The following FERRY3 variants were observed in gnomAD, a reference collection of about 807,000 sequenced individuals.
FERRY3 encodes FERRY endosomal RAB5 effector complex subunit 3, also known as protein C12orf4.
At chr12:4,496,602 T>C in the FERRY3 span, among the ~76,000 whole-genome samples, 1 of 152,102 alleles carries the variant, frequency 6.6e-6, no homozygotes, top group South Asian at 2.1e-4. Flanking sequence ...ATTCTAAACC[T>C]ATGAAAATGA....
chr12:4,526,486 A>C, the FERRY3 span, among the ~76,000 whole-genome samples: 2 of 152,256 alleles, frequency 1.3e-5, no homozygotes, highest in Admixed American at 1.3e-4. Context: ...GGAAAGAACA[A>C]AACACAGATA....
chr12:4,488,817 C>T, the FERRY3 span: 2 of 152,132 alleles, frequency 1.3e-5, no homozygotes, highest in African/African-American at 2.4e-5. The surrounding 1 kb of genome is among the most constrained non-coding windows in gnomAD (Gnocchi z 4.9). Context: ...TTTGTAAATG[C>T]CTTTGTTTAA....
chr12:4,493,211 C>T, the FERRY3 span, among the ~76,000 whole-genome samples: 3 of 152,252 alleles, frequency 2.0e-5, no homozygotes, highest in South Asian at 4.1e-4. Flanking sequence ...TTTATCCTGT[C>T]GTTTTTGGGG....
the FERRY3 span, among the ~76,000 whole-genome samples, chr12:4,502,766 T>G: frequency 6.6e-6 from 1 of 152,376 alleles, no homozygotes; most frequent in Admixed American, 6.5e-5. The surrounding 1 kb of genome is among the most constrained non-coding windows in gnomAD (Gnocchi z 4.2). Context: ...CACAGATGCC[T>G]CTGACAGGTC....
At chr12:4,536,153 TTCTC>T in the FERRY3 span, 19 of 1,603,158 alleles carry the variant, frequency 1.2e-5, no homozygotes, top group South Asian at 1.1e-5. Context: ...TATATACAAA[TTCTC>T]TCTCTCTATT....
the FERRY3 span, chr12:4,502,404 T>C: frequency 6.6e-6 from 3 of 453,888 alleles, no homozygotes; most frequent in South Asian, 4.7e-5. The surrounding 1 kb of genome is among the most constrained non-coding windows in gnomAD (Gnocchi z 4.2). Context: ...TTAAAATCCA[T>C]GCTTCCTACC....
chr12:4,488,680 GT>G, the FERRY3 span: 1 of 152,110 alleles, frequency 6.6e-6, no homozygotes, highest in Non-Finnish European at 1.5e-5. This position sits in a 1 kb window ranked among gnomAD's most constrained non-coding sequence, Gnocchi z 4.9. Flanking sequence ...AGGGCGTTTT[GT>G]TTCTTGTCAT....
chr12:4,517,417 C>G, the FERRY3 span, among the ~76,000 whole-genome samples: 1 of 151,824 alleles, frequency 6.6e-6, no homozygotes, highest in Admixed American at 6.6e-5. Flanking sequence ...ATTGACATTT[C>G]TTTGTTAATG....
the FERRY3 span, among the ~76,000 whole-genome samples, chr12:4,520,026 CCAA>C: frequency 1.3e-5 from 2 of 152,194 alleles, no homozygotes; most frequent in Non-Finnish European, 1.5e-5. Context: ...ACATATACCT[CCAA>C]GGACAGACAG....
chr12:4,528,281 A>G, the FERRY3 span, among the ~76,000 whole-genome samples: 1 of 152,168 alleles, frequency 6.6e-6, no homozygotes, highest in Admixed American at 6.5e-5. Context: ...AAACAAATGA[A>G]GTTCAACAGA....
chr12:4,521,201 A>C, the FERRY3 span, among the ~76,000 whole-genome samples: 2 of 152,156 alleles, frequency 1.3e-5, no homozygotes, highest in Non-Finnish European at 2.9e-5. Flanking sequence ...TCTACTAAAA[A>C]TACAAAAATT....
the FERRY3 span, chr12:4,518,216 C>T: frequency 3.1e-6 from 5 of 1,614,108 alleles, no homozygotes; most frequent in Non-Finnish European, 3.4e-6. Flanking sequence ...CATATCTGCT[C>T]TCAGCAATCT....
At chr12:4,522,103 A>C in the FERRY3 span, among the ~76,000 whole-genome samples, 2 of 152,202 alleles carry the variant, frequency 1.3e-5, no homozygotes, top group Admixed American at 1.3e-4. Flanking sequence ...GATCATAACA[A>C]AGGTACCATC....
chr12:4,491,635 TAAAC>T, the FERRY3 span, among the ~76,000 whole-genome samples: 1 of 152,126 alleles, frequency 6.6e-6, no homozygotes, highest in East Asian at 1.9e-4. Context: ...TGAGTGGAAA[TAAAC>T]AAATGCCCCA....
chr12:4,529,868 CCT>C, the FERRY3 span: 26 of 1,570,630 alleles, frequency 1.7e-5, no homozygotes, highest in Admixed American at 3.9e-5. Context: ...ATTTGAAATA[CCT>C]CTCTCGTAAT....
At chr12:4,491,769 G>A in the FERRY3 span, among the ~76,000 whole-genome samples, 1 of 152,176 alleles carries the variant, frequency 6.6e-6, no homozygotes, top group Admixed American at 6.5e-5. Flanking sequence ...ATCTTCCACA[G>A]TATGATTAGC....
chr12:4,523,899 G>A, the FERRY3 span, among the ~76,000 whole-genome samples: 1 of 152,014 alleles, frequency 6.6e-6, no homozygotes, highest in African/African-American at 2.4e-5. Context: ...CATGGTGCAT[G>A]TATACATATG....
chr12:4,532,313 C>T, the FERRY3 span, among the ~76,000 whole-genome samples: 1 of 152,110 alleles, frequency 6.6e-6, no homozygotes, highest in African/African-American at 2.4e-5. Context: ...CTGCACACAG[C>T]ACTGTACAGC....
the FERRY3 span, among the ~76,000 whole-genome samples, chr12:4,499,389 A>G: frequency 1.3e-5 from 2 of 152,096 alleles, no homozygotes; most frequent in Non-Finnish European, 2.9e-5. Context: ...TGGCTCTCCT[A>G]TGACTTGTCT....
Sources: allele counts gnomAD v4.1 joint callset (sites outside exome capture counted in the v4.1 genomes callset), GRCh38; gene constraint gnomAD v4.1.1; non-coding constraint Gnocchi (gnomAD v3.1); transcripts MANE v1.5; gene names NCBI Gene and HGNC (gene_info 2026-07-23, HGNC 2026-07-21).